Variants in RYR3 observed in about 807,000 individuals in gnomAD.
RYR3 encodes the protein brain ryanodine receptor-calcium release channel.
In RYR3, 207 loss-of-function variants were observed where a neutral mutation model predicts 584.3. The observed-to-expected ratio is 0.35, with a 90% CI of 0.32 to 0.40. The LOEUF (loss-of-function observed/expected upper bound fraction) is 0.40, where lower values mean the gene tolerates loss of function less well. RYR3 is among the 10% of genes least tolerant of loss of function. The pLI, the probability that RYR3 is intolerant of heterozygous loss-of-function variation, is 1.00. For synonymous variants in RYR3, 2,416 were observed against 2,248.5 expected (o/e 1.07, Z -2.11); for missense variants, 5,616 against 6,089.2 (o/e 0.92, Z 2.59).
chr15:33,683,139 C>A (rs972128854), intron 38 of RYR3, among the ~76,000 whole-genome samples: 1 of 151,924 alleles, frequency 6.6e-6, no homozygotes, highest in Admixed American at 6.5e-5. Context: ...GGACTACAGG[C>A]GCCTGCCACC....
rs547860866 is a variant in RYR3, at chr15:33,625,203, C to T, written c.2574+1180C>T. On this transcript the variant is annotated intron_variant, in intron 20 of 103. Transcript: ENST00000634891. ...GGGAAGTGCCACACTTTTAAGCCAT[C>T]AGATCTTATGAGAACTCTATTATGA... is the stretch of plus-strand genomic sequence containing the variant. Among the ~76,000 whole-genome samples the T allele has an allele frequency of 8.0e-5, 12 of 150,336 alleles. No homozygotes were observed. In the South Asian group the frequency reaches 2.6e-3, roughly 32 times the overall value.
chr15:33,326,943 T>C (rs955984949), intron 1 of RYR3, among the ~76,000 whole-genome samples: 2 of 152,044 alleles, frequency 1.3e-5, no homozygotes, highest in Non-Finnish European at 2.9e-5. Context: ...ATATGTCTGA[T>C]ACTAAATCAT....
chr15:33,808,588 C>A (rs577752710), intron 70 of RYR3, among the ~76,000 whole-genome samples: 2 of 152,326 alleles, frequency 1.3e-5, no homozygotes, highest in South Asian at 4.1e-4. Context: ...TAACCAGGTT[C>A]TATGTTTTAT....
chr15:33,497,134 T>TC (rs1305165663), intron 2 of RYR3, among the ~76,000 whole-genome samples: 1 of 152,102 alleles, frequency 6.6e-6, no homozygotes, highest in Admixed American at 6.6e-5. Context: ...ACGCGTTAAT[T>TC]CCCCAGATTC....
intron 1 of RYR3, among the ~76,000 whole-genome samples, chr15:33,339,012 G>A (rs1036079876): frequency 1.3e-5 from 2 of 152,182 alleles, no homozygotes; most frequent in African/African-American, 4.8e-5. Flanking sequence ...AGGGAGGCAG[G>A]GAGTCAGAGG....
intron 43 of RYR3, among the ~76,000 whole-genome samples, chr15:33,721,649 G>GATTTTGTA (rs1442005180): frequency 6.6e-6 from 1 of 152,100 alleles, no homozygotes; most frequent in Non-Finnish European, 1.5e-5. Flanking sequence ...TACCTCTTAT[G>GATTTTGTA]ATTTTGTAGA....
rs567481432 is a variant in RYR3 at position 33,724,149 on chromosome 15, A to G, written c.6885A>G (p.Leu2295=). The change falls in exon 45 of 104, where the codon CTA becomes CTG. Residue 2295 remains leucine, a synonymous_variant. Coordinates refer to ENST00000634891, the MANE Select transcript of RYR3 (RefSeq NM_001036.6). Reference sequence around the variant, plus strand: ...CATTTTATTCGGCCCTTATAGATCTACTGGGCCGCTGTGCTCCTGAAATGC... The same window carrying G: ...CATTTTATTCGGCCCTTATAGATCTGCTGGGCCGCTGTGCTCCTGAAATGC... ...IMSFYSALID[L]LGRCAPEMHL... is the part of the protein sequence containing the mutation. 2.5e-5 allele frequency: 40 copies of G among 1,608,926 alleles called. No homozygotes were observed. Among genetic ancestry groups the G allele is most frequent in the Non-Finnish European group, 3.2e-5 (38 of 1,175,760 alleles).
At chr15:33,736,156 T>C (rs972756358) in intron 48 of RYR3, 79 bp from the exon 49 acceptor site, 2 of 910,626 alleles carry the variant, frequency 2.2e-6, no homozygotes, top group Non-Finnish European at 3.5e-6. Flanking sequence ...AATATGCTTA[T>C]TGTTCAGTGT....
chr15:33,655,246 C>T (rs922720081), intron 32 of RYR3, among the ~76,000 whole-genome samples: 1 of 152,154 alleles, frequency 6.6e-6, no homozygotes, highest in African/African-American at 2.4e-5. Flanking sequence ...ATTCTATCTC[C>T]TCCACCCCCA....
At chr15:33,659,670 T>G in intron 32 of RYR3, 50 bp from the exon 33 acceptor site, 1 of 1,199,528 alleles carries the variant, frequency 8.3e-7, no homozygotes, top group Non-Finnish European at 1.2e-6. Flanking sequence ...GAGCCAGCTG[T>G]GTTGTTTGTC....
At chr15:33,711,696 C>G (rs1402233244) in intron 43 of RYR3, among the ~76,000 whole-genome samples, 1 of 152,216 alleles carries the variant, frequency 6.6e-6, no homozygotes, top group Non-Finnish European at 1.5e-5. Flanking sequence ...ATGACCTTTG[C>G]TCCAATTCCA....
chr15:33,850,442 A>G (rs2079023508), intron 94 of RYR3: 1 of 150,518 alleles, frequency 6.6e-6, no homozygotes, highest in Non-Finnish European at 1.5e-5. Context: ...TAATGAGACA[A>G]GTACACTAAA....
chr15:33,848,455 A>G, intron 94 of RYR3, 34 bp downstream of exon 94: 3 of 1,592,156 alleles, frequency 1.9e-6, no homozygotes, highest in Non-Finnish European at 2.6e-6. Context: ...TAAAAAGGAG[A>G]TGGAGTCTCT....
chr15:33,718,073 G>A (rs2067633255), intron 43 of RYR3, among the ~76,000 whole-genome samples: 1 of 152,176 alleles, frequency 6.6e-6, no homozygotes, highest in Admixed American at 6.5e-5. Context: ...TTGGATCCTG[G>A]CCATTACCCT....
intron 59 of RYR3, 67 bp from the exon 60 acceptor site, chr15:33,757,408 T>G: frequency 6.5e-7 from 1 of 1,541,932 alleles, no homozygotes; most frequent in Non-Finnish European, 8.8e-7. Context: ...AAATAAACAC[T>G]TTTAAATGAA....
intron 85 of RYR3, among the ~76,000 whole-genome samples, chr15:33,827,904 G>A (rs1219747781): frequency 6.6e-6 from 1 of 152,158 alleles, no homozygotes; most frequent in African/African-American, 2.4e-5. Flanking sequence ...AAGATTGAGA[G>A]GTTGGATACA....
chr15:33,370,014 T>C (rs2040213521), intron 1 of RYR3, among the ~76,000 whole-genome samples: 1 of 152,226 alleles, frequency 6.6e-6, no homozygotes, highest in South Asian at 2.1e-4. Context: ...TTCACTTGAA[T>C]TTAAGGGACA....
intron 1 of RYR3, among the ~76,000 whole-genome samples, chr15:33,409,712 G>C (rs1446802531): frequency 6.6e-6 from 1 of 152,212 alleles, no homozygotes; most frequent in Non-Finnish European, 1.5e-5. Flanking sequence ...CCAGAGGTGG[G>C]TGTACGAGAG....
At chr15:33,811,154 G>T (rs1476115070) in intron 72 of RYR3, 117 bp downstream of exon 72, 6 of 879,272 alleles carry the variant, frequency 6.8e-6, no homozygotes, top group Non-Finnish European at 1.8e-6. Context: ...CAGTTTGGGG[G>T]TATTTGTGTT....
Sources: allele counts gnomAD v4.1 joint callset (sites outside exome capture counted in the v4.1 genomes callset), GRCh38; gene constraint gnomAD v4.1.1; transcripts MANE v1.5; gene names NCBI Gene and HGNC (gene_info 2026-07-23, HGNC 2026-07-21).